Variants in MPG observed in about 807,000 individuals in gnomAD.
MPG encodes the protein N-methylpurine DNA glycosylase.
MPG carries 33 observed loss-of-function variants against 31.7 expected under a neutral mutation model. The ratio of observed to expected loss-of-function variants is 1.04; its 90% CI spans 0.79 to 1.39. The LOEUF is 1.39. Ranked by LOEUF, MPG falls within the 40% of genes most tolerant of loss-of-function variation. The pLI, the probability that MPG is intolerant of heterozygous loss-of-function variation, is 0.00. For missense variants in MPG, 455 were observed against 415.5 expected (o/e 1.10, Z -0.83); for synonymous variants, 202 against 169.2 (o/e 1.19, Z -1.51).
chr16:79,180 T>G (rs1898170537), intron 1 of MPG: 2 of 1,543,648 alleles, frequency 1.3e-6, no homozygotes, highest in Non-Finnish European at 1.7e-6. Context: ...CTCGCACATA[T>G]GTGGGGCAGA....
chr16:81,486 T>C (rs900339770), intron 2 of MPG, among the ~76,000 whole-genome samples: 2 of 152,172 alleles, frequency 1.3e-5, no homozygotes, highest in Non-Finnish European at 2.9e-5. Context: ...CTTTCTCCCC[T>C]GGACATGGCC....
intron 3 of MPG, 37 bp from the exon 4 acceptor site, chr16:85,364 C>T: frequency 6.4e-7 from 1 of 1,561,580 alleles, no homozygotes; most frequent in Non-Finnish European, 8.7e-7. Context: ...GGACAGGAGC[C>T]TAGGGAGGCT....
intron 3 of MPG, among the ~76,000 whole-genome samples, chr16:83,836 A>G (rs572524806): frequency 6.7e-4 from 102 of 152,156 alleles, no homozygotes; most frequent in African/African-American, 2.4e-3. Context: ...TGACGGAGGC[A>G]GCACATGAGG....
intron 1 of MPG, 56 bp downstream of exon 1, chr16:78,389 C>G: frequency 1.7e-6 from 2 of 1,177,896 alleles, no homozygotes; most frequent in Non-Finnish European, 2.1e-6. Context: ...CCAGGCGCAG[C>G]AGCGAGCGCG....
chr16:78,732 C>A (rs1020364770), intron 1 of MPG, among the ~76,000 whole-genome samples: 3 of 152,264 alleles, frequency 2.0e-5, no homozygotes, highest in African/African-American at 7.2e-5. Context: ...CCACCTTCAT[C>A]TTCCCTTCTC....
rs907071937 is a variant in MPG, at chr16:85,424, C to G, written c.529C>G (p.Arg177Gly). 2 of 1,609,386 alleles carry G rather than the reference C, an allele frequency of 1.2e-6. No individual in the cohort carries two copies. The highest frequency in any genetic ancestry group is 1.7e-6 in the Non-Finnish European group (2 of 1,177,890). Residue 177 changes from arginine (R) to glycine (G), a missense_variant, in exon 4 of 4, where the codon CGA becomes GGA. Physicochemically the swap from Arg to Gly is moderately radical, Grantham distance 125 (BLOSUM62 -2). Transcript: ENST00000356432. Reference protein sequence around the residue: ...SQGDGACVLLRALEPLEGLET... With the variant: ...SQGDGACVLLGALEPLEGLET... ...AGGGGACGGGGCTTGCGTCTTGCTG[C>G]GAGCACTGGAGCCCCTGGAAGGTCT...
chr16:83,816 C>T (rs1006319640), intron 3 of MPG, among the ~76,000 whole-genome samples: 2 of 151,208 alleles, frequency 1.3e-5, no homozygotes, highest in Non-Finnish European at 2.9e-5. Flanking sequence ...GACACAGTGT[C>T]GCCTGCCCTT....
intron 1 of MPG, 40 bp downstream of exon 1, chr16:78,373 C>T (rs1264911723): frequency 2.5e-6 from 3 of 1,198,968 alleles, no homozygotes; most frequent in East Asian, 3.6e-5. Context: ...ACAGACGCGC[C>T]CACCCCCAGG....
intron 2 of MPG, among the ~76,000 whole-genome samples, chr16:82,762 G>A (rs1307497129): frequency 6.6e-6 from 1 of 152,178 alleles, no homozygotes; most frequent in African/African-American, 2.4e-5. Context: ...GACCTGCAAG[G>A]TGAATCCATG....
chr16:79,492 A>T lies in MPG; in HGVS notation c.92A>T (p.Asp31Val). Residue 31 changes from aspartate (D) to valine (V), a missense_variant, in exon 2 of 4, where the codon GAC (aspartate) becomes GTC (valine). By Grantham distance (152) the Asp-to-Val change is radical (BLOSUM62 -3). Transcript: ENST00000356432. ...GCAGGGCAGCCACACAGCTCGTCCG[A>T]CGCAGCCCAGGCACCTGCAGAGCAG... The part of the protein sequence containing the change: ...ARAGQPHSSS[D>V]AAQAPAEQPH... 6.2e-7 allele frequency: 1 copy of T among 1,612,776 alleles called. No individual in the cohort carries two copies. The highest frequency in any genetic ancestry group is 8.5e-7 in the Non-Finnish European group (1 of 1,179,808).
chr16:77,381 G>A (rs539892865), upstream of MPG, among the ~76,000 whole-genome samples: 1 of 152,220 alleles, frequency 6.6e-6, no homozygotes, highest in Non-Finnish European at 1.5e-5. Context: ...CCGTCCACTG[G>A]GCCAAGCACC....
In MPG at chr16:79,585, C is replaced by T. The variant is rs769002222; in HGVS notation, c.185C>T (p.Thr62Ile). The T allele has an allele frequency of 5.6e-6, 9 of 1,611,158 alleles. No individual in the cohort carries two copies. In the East Asian group the frequency reaches 6.7e-5, roughly 12 times the overall value. The change falls in exon 2 of 4, where the codon ACT (threonine) becomes ATT (isoleucine). Residue 62 changes from threonine (T) to isoleucine (I), a missense_variant. Transcript: ENST00000356432. ...PRERCLGPPTTPGPYRSIYFS... is the reference protein window; with the variant it reads ...PRERCLGPPTIPGPYRSIYFS... ...GAGCGCTGCTTGGGACCGCCCACCA[C>T]TCCGGGCCCATACCGCAGCATCTAT...
Position 85,641 on chromosome 16 carries a change from C to A in MPG, c.746C>A (p.Pro249Gln), listed in dbSNP as rs755957305. The change falls in exon 4 of 4, where the codon CCG (proline) becomes CAG (glutamine). Residue 249 changes from proline (P) to glutamine (Q), a missense_variant. Transcript: ENST00000356432. ...CGTGGTCCCCTGGAGCCCAGTGAGCCGGCTGTAGTGGCAGCAGCCCGGGTG... is the reference window on the plus strand; with the variant it reads ...CGTGGTCCCCTGGAGCCCAGTGAGCAGGCTGTAGTGGCAGCAGCCCGGGTG... ...LERGPLEPSEPAVVAAARVGV... is the reference protein window; with the variant it reads ...LERGPLEPSEQAVVAAARVGV... The A allele has an allele frequency of 1.9e-6, 3 of 1,592,724 alleles. No individual in the cohort carries two copies. Among genetic ancestry groups the A allele is most frequent in the South Asian group, 2.2e-5 (2 of 90,110 alleles).
At chr16:83,806 GAC>G (rs933321151) in intron 3 of MPG, among the ~76,000 whole-genome samples, 5 of 151,918 alleles carry the variant, frequency 3.3e-5, no homozygotes, top group Non-Finnish European at 5.9e-5. Flanking sequence ...GAAGGCCGAG[GAC>G]ACAGTGTCGC....
At chr16:78,966 GTGTCCGACCT>G (rs1898164440) in intron 1 of MPG, among the ~76,000 whole-genome samples, 1 of 151,374 alleles carries the variant, frequency 6.6e-6, no homozygotes, top group Non-Finnish European at 1.5e-5. Context: ...CCCTCCCTGT[GTGTCCGACCT>G]TGGCCCTGCT....
chr16:78,431 T>A, intron 1 of MPG, 98 bp downstream of exon 1: 1 of 1,026,758 alleles, frequency 9.7e-7, no homozygotes, highest in Non-Finnish European at 1.2e-6. Flanking sequence ...GGGACGGGCG[T>A]AGCGCCCACC....
chr16:79,766 T>G, intron 2 of MPG, 66 bp downstream of exon 2: 3 of 1,491,110 alleles, frequency 2.0e-6, no homozygotes, highest in Non-Finnish European at 2.7e-6. Context: ...CCTGAACCCC[T>G]GTCCGCTGCC....
chr16:79,979 C>T (rs143443225), intron 2 of MPG: 17 of 534,244 alleles, frequency 3.2e-5, no homozygotes, highest in South Asian at 2.3e-4. Flanking sequence ...GCACTTGCAC[C>T]GTTAGCCTTC....
At chr16:78,010 C>T (rs3176372), upstream of MPG, 606 of 263,286 alleles carry the variant, frequency 2.3e-3, 4 homozygotes, top group African/African-American at 0.012. Context: ...GGGCACAGTG[C>T]GGGGCTCGCC....
Sources: allele counts gnomAD v4.1 joint callset (sites outside exome capture counted in the v4.1 genomes callset), GRCh38; gene constraint gnomAD v4.1.1; transcripts MANE v1.5; gene names NCBI Gene and HGNC (gene_info 2026-07-23, HGNC 2026-07-21).